The following XYLT1 variants were observed in gnomAD, a reference collection of about 807,000 sequenced individuals.
XYLT1 encodes beta-D-xylosyltransferase 1.
Under a neutral mutation model 91.3 loss-of-function variants are expected in XYLT1, and 36 were observed. The ratio of observed to expected loss-of-function variants is 0.39; its 90% CI spans 0.30 to 0.52. The LOEUF (loss-of-function observed/expected upper bound fraction) is 0.52. Ranked by LOEUF, XYLT1 falls within the 20% of genes least tolerant of loss-of-function variation. XYLT1 has a pLI of 0.68. For synonymous variants in XYLT1, 588 were observed against 532.0 expected, an observed-to-expected ratio of 1.11 and a Z score of -1.45; for missense variants, 1,242 against 1,284.5, an observed-to-expected ratio of 0.97 and a Z score of 0.51.
chr16:17,449,451 G>A (rs752154698), intron 1 of XYLT1, among the ~76,000 whole-genome samples: 5 of 152,234 alleles, frequency 3.3e-5, no homozygotes, highest in East Asian at 1.9e-4. Flanking sequence ...GGAAGAGGGC[G>A]CCTCCCCTGT....
intron 3 of XYLT1, among the ~76,000 whole-genome samples, chr16:17,219,559 T>C (rs2032927003): frequency 6.6e-6 from 1 of 152,182 alleles, no homozygotes; most frequent in African/African-American, 2.4e-5. Context: ...TCGACCTACC[T>C]GGAAGACCAG....
chr16:17,444,510 TTC>T (rs1405301937), intron 1 of XYLT1, among the ~76,000 whole-genome samples: 11 of 94,126 alleles, frequency 1.2e-4, no homozygotes, highest in African/African-American at 6.2e-4. Flanking sequence ...TAACTTCTTC[TTC>T]TTTTTTTTTT....
At chr16:17,434,194 G>A (rs766818932) in intron 1 of XYLT1, among the ~76,000 whole-genome samples, 2 of 152,188 alleles carry the variant, frequency 1.3e-5, no homozygotes, top group Non-Finnish European at 2.9e-5. Context: ...ACCAACCTTT[G>A]CAGATTGCCT....
intron 2 of XYLT1, among the ~76,000 whole-genome samples, chr16:17,298,735 C>T (rs2034351969): frequency 6.6e-6 from 1 of 152,174 alleles, no homozygotes; most frequent in Admixed American, 6.5e-5. Context: ...CTGCTGCTTC[C>T]TAATGCAAAT....
chr16:17,391,894 G>T (rs1382153236), intron 1 of XYLT1, among the ~76,000 whole-genome samples: 1 of 152,062 alleles, frequency 6.6e-6, no homozygotes, highest in South Asian at 2.1e-4. Flanking sequence ...ATTCTCTGTT[G>T]CCTGCCTCTA....
chr16:17,374,549 G>T (rs181840911), intron 1 of XYLT1, among the ~76,000 whole-genome samples: 1 of 151,868 alleles, frequency 6.6e-6, no homozygotes, highest in South Asian at 2.1e-4. Flanking sequence ...CCCATTTTTA[G>T]GGATCATGAT....
At chr16:17,323,631 TG>T (rs1292019993) in intron 2 of XYLT1, among the ~76,000 whole-genome samples, 1 of 152,202 alleles carries the variant, frequency 6.6e-6, no homozygotes, top group Non-Finnish European at 1.5e-5. Context: ...GACTTGTACA[TG>T]TAGCCCAGGG....
chr16:17,442,477 G>T (rs2036543126), intron 1 of XYLT1, among the ~76,000 whole-genome samples: 1 of 152,154 alleles, frequency 6.6e-6, no homozygotes, highest in African/African-American at 2.4e-5. Context: ...TTCTTCTGGG[G>T]TGTCTGTGAG....
At chr16:17,400,146 CA>C (rs1212152472) in intron 1 of XYLT1, among the ~76,000 whole-genome samples, 4 of 152,186 alleles carry the variant, frequency 2.6e-5, no homozygotes, top group Admixed American at 2.6e-4. Context: ...ACAGGAAGGA[CA>C]GGGGCTGACA....
chr16:17,336,129 C>T (rs1037610602), intron 2 of XYLT1, among the ~76,000 whole-genome samples: 12 of 152,108 alleles, frequency 7.9e-5, no homozygotes, highest in African/African-American at 1.2e-4. Context: ...GAGGGCAGAG[C>T]GTGGAAGGCA....
chr16:17,318,790 C>CTTTT (rs58376375), intron 2 of XYLT1, among the ~76,000 whole-genome samples: 10 of 142,642 alleles, frequency 7.0e-5, no homozygotes, highest in African/African-American at 1.3e-4. Flanking sequence ...TCTGCTTACT[C>CTTTT]TTTTTTTTTT....
intron 2 of XYLT1, among the ~76,000 whole-genome samples, chr16:17,285,791 C>A (rs1415385381): frequency 6.6e-6 from 1 of 152,014 alleles, no homozygotes; most frequent in Admixed American, 6.6e-5. Context: ...ATGGTATAGC[C>A]CCCTAAAAAT....
intron 2 of XYLT1, among the ~76,000 whole-genome samples, chr16:17,307,926 C>A (rs1485116582): frequency 4.6e-5 from 7 of 152,146 alleles, no homozygotes; most frequent in African/African-American, 1.7e-4. Flanking sequence ...GCCTGGAAGT[C>A]TCTAAAATAA....
chr16:17,437,423 A>G (rs1188244327), intron 1 of XYLT1, among the ~76,000 whole-genome samples: 2 of 152,154 alleles, frequency 1.3e-5, no homozygotes, highest in Non-Finnish European at 2.9e-5. Flanking sequence ...GAAGCCAAGA[A>G]GGCATTTGGG....
intron 1 of XYLT1, among the ~76,000 whole-genome samples, chr16:17,406,441 G>C (rs1018982074): frequency 5.9e-5 from 9 of 152,334 alleles, no homozygotes; most frequent in Non-Finnish European, 1.2e-4. Flanking sequence ...GGGTTCCTGT[G>C]AATCACCATC....
chr16:17,322,689 G>A (rs1454546374), intron 2 of XYLT1, among the ~76,000 whole-genome samples: 1 of 152,056 alleles, frequency 6.6e-6, no homozygotes, highest in Non-Finnish European at 1.5e-5. Context: ...CATTGTCTAG[G>A]ACACCCTCCT....
At chr16:17,225,524 C>T (rs1364692197) in intron 3 of XYLT1, among the ~76,000 whole-genome samples, 1 of 151,954 alleles carries the variant, frequency 6.6e-6, no homozygotes, top group Non-Finnish European at 1.5e-5. Flanking sequence ...TGCCTAATTT[C>T]TTGACAAGTC....
At chr16:17,343,908 G>A (rs1484812883) in intron 2 of XYLT1, among the ~76,000 whole-genome samples, 2 of 152,266 alleles carry the variant, frequency 1.3e-5, no homozygotes, top group African/African-American at 4.8e-5. Flanking sequence ...AAAAATTAAA[G>A]CCCAATGACA....
chr16:17,392,288 G>A (rs755980602), intron 1 of XYLT1, among the ~76,000 whole-genome samples: 9 of 152,148 alleles, frequency 5.9e-5, no homozygotes, highest in South Asian at 2.1e-4. Flanking sequence ...TCTCTCTGCC[G>A]CCTCAAGGCC....
Sources: allele counts gnomAD v4.1 joint callset (sites outside exome capture counted in the v4.1 genomes callset), GRCh38; gene constraint gnomAD v4.1.1; transcripts MANE v1.5; gene names NCBI Gene and HGNC (gene_info 2026-07-23, HGNC 2026-07-21).